The following FGFR3 variants were observed in gnomAD, a reference collection of about 807,000 sequenced individuals.
FGFR3 encodes the protein FGFR-3.
In FGFR3, 25 loss-of-function variants were observed where a neutral mutation model predicts 82.9. The ratio of observed to expected loss-of-function variants is 0.30; its 90% confidence interval spans 0.22 to 0.42. The LOEUF is 0.42. Among genes scored for constraint, FGFR3 ranks in the 10% least tolerant of loss-of-function variants. FGFR3 has a pLI of 1.00. For missense variants in FGFR3, 1,026 were observed against 1,161.0 expected (o/e 0.88, Z 1.69); for synonymous variants, 620 against 516.0 (o/e 1.20, Z -2.73).
chr4:1,795,958 A>G (rs1720461253), intron 2 of FGFR3, among the ~76,000 whole-genome samples: 1 of 151,852 alleles, frequency 6.6e-6, no homozygotes, highest in Admixed American at 6.6e-5. Flanking sequence ...ACCCCTTGTT[A>G]CCCACCCCCC....
intron 7 of FGFR3, chr4:1,803,207 C>A: frequency 9.9e-7 from 1 of 1,014,586 alleles, no homozygotes; most frequent in Non-Finnish European, 1.3e-6. Context: ...GCAAGGCTGG[C>A]AGCTCCAGCC....
chr4:1,794,889 G>C (rs1226919291), intron 2 of FGFR3, among the ~76,000 whole-genome samples: 4 of 151,382 alleles, frequency 2.6e-5, no homozygotes, highest in Non-Finnish European at 5.9e-5. Context: ...GGCCCGGTGA[G>C]CTCGCGCCCC....
At position 1,797,266 on chromosome 4, in the gene FGFR3, G is replaced by T. The variant is rs953829460; in HGVS notation, c.110-1988G>T. 2.0e-5 allele frequency among the ~76,000 whole-genome samples: 3 copies of T among 152,116 alleles called. No homozygotes were observed. In the East Asian group the frequency reaches 5.8e-4, roughly 29 times the overall value. On this transcript the variant is annotated intron_variant, in intron 2 of 17. Coordinates refer to ENST00000440486, the MANE Select transcript of FGFR3 (RefSeq NM_000142.5). ...CCACCCAACTGCTGACTTCCCAGTG[G>T]GAGTCAGACCCTGAACTTATAGCAC...
Position 1,801,383 on chromosome 4 carries a change from A to G in FGFR3, c.462A>G (p.Thr154=), listed in dbSNP as rs1158118748. 6.4e-7 allele frequency: 1 copy of G among 1,556,808 alleles called. No homozygotes were observed. Among genetic ancestry groups the G allele is most frequent in the Non-Finnish European group, 8.7e-7 (1 of 1,151,940 alleles). ...GGCCCGCAGGGGCCCCTTACTGGACACGGCCCGAGCGGATGGACAAGAAGC... is the reference window on the plus strand; with the variant it reads ...GGCCCGCAGGGGCCCCTTACTGGACGCGGCCCGAGCGGATGGACAAGAAGC... ...TGVDTGAPYW[T]RPERMDKKLL... is the part of the protein sequence containing the mutation. The change falls in exon 5 of 18, where the codon ACA becomes ACG. Residue 154 remains threonine (T), a synonymous_variant. Transcript: ENST00000440486.
chr4:1,803,239 G>C (rs936105190), intron 7 of FGFR3: 9 of 770,814 alleles, frequency 1.2e-5, no homozygotes, highest in Non-Finnish European at 9.3e-6. Flanking sequence ...CGCCCGCTTC[G>C]AGCCCTGTGG....
intron 2 of FGFR3, among the ~76,000 whole-genome samples, chr4:1,795,049 C>T (rs1389879864): frequency 6.6e-6 from 1 of 151,684 alleles, no homozygotes; most frequent in African/African-American, 2.4e-5. Flanking sequence ...AGGCAGATGG[C>T]GTCCGCCCCG....
intron 4 of FGFR3, 60 bp from the exon 5 acceptor site, chr4:1,801,307 G>C (rs1352317860): frequency 3.9e-6 from 6 of 1,522,812 alleles, no homozygotes; most frequent in Non-Finnish European, 5.3e-6. Flanking sequence ...GAAGGGGGTT[G>C]TTCAGAGGGG....
chr4:1,799,057 G>T (rs1045990960), intron 2 of FGFR3, among the ~76,000 whole-genome samples, 197 bp from the exon 3 acceptor site: 1 of 152,154 alleles, frequency 6.6e-6, no homozygotes, highest in African/African-American at 2.4e-5. Context: ...GGAGTCCTTG[G>T]GACAGACTGG....
At position 1,807,199 on chromosome 4, in the gene FGFR3, C is replaced by G. The variant is rs1247982827; in HGVS notation, c.2358C>G (p.Asp786Glu). 6.2e-7 allele frequency: 1 copy of G among 1,608,408 alleles called. No individual in the cohort carries two copies. The highest frequency in any genetic ancestry group is 8.5e-7 in the Non-Finnish European group (1 of 1,178,186). ...CCAGCTCCAGCTCCTCAGGGGACGA[C>G]TCCGTGTTTGCCCACGACCTGCTGC... is the stretch of plus-strand genomic sequence containing the variant. ...DTPSSSSSGD[D>E]SVFAHDLLPP... The change falls in exon 18 of 18, where the codon GAC (aspartate) becomes GAG (glutamate). Residue 786 changes from aspartate to glutamate, a missense_variant. Physicochemically the swap from Asp to Glu is conservative, Grantham distance 45. This residue lies in a region of FGFR3 where 155 missense variants were observed against 150.2 expected (regional missense o/e 1.03). Coordinates refer to ENST00000440486, the MANE Select transcript of FGFR3 (RefSeq NM_000142.5).
chr4:1,801,762 C>CGCGGGGGTGGGGGCGGCAGTG lies in FGFR3; in HGVS notation c.739+24_739+44dup. 6.5e-7 allele frequency: 1 copy of CGCGGGGGTGGGGGCGGCAGTG among 1,548,476 alleles called. No individual in the cohort carries two copies. The highest frequency in any genetic ancestry group is 8.8e-7 in the Non-Finnish European group (1 of 1,135,578). ...GTGCTGGGTGAGGGCCCTGGGGCGG[C>CGCGGGGGTGGGGGCGGCAGTG]GCGGGGGTGGGGGCGGCAGTGGCGG... On this transcript the variant is annotated intron_variant, in intron 6 of 17. Transcript: ENST00000440486.
intron 2 of FGFR3, among the ~76,000 whole-genome samples, chr4:1,794,964 TGGCGGCTC>T (rs1560388356): frequency 6.6e-6 from 1 of 151,450 alleles, no homozygotes. Flanking sequence ...CGCGCATTGA[TGGCGGCTC>T]GGCGGCTCGC....
intron 8 of FGFR3, 140 bp downstream of exon 8, chr4:1,803,976 C>G (rs1000450806): frequency 1.9e-6 from 2 of 1,067,892 alleles, no homozygotes; most frequent in Non-Finnish European, 2.8e-6. Context: ...GGCCCTGTGC[C>G]CAGTGTGGGG....
Position 1,804,816 on chromosome 4 carries a change from C to A in FGFR3, c.1267-8C>A. ...GCGGCGCCAACCTGCCCCTGCTGAC[C>A]CAAGCAGGTGTCCCTGGAGTCCAAC... is the stretch of plus-strand genomic sequence containing the variant. On this transcript the variant is annotated splice_region_variant and splice_polypyrimidine_tract_variant and intron_variant, in intron 9 of 17. Coordinates refer to ENST00000440486, the MANE Select transcript of FGFR3 (RefSeq NM_000142.5). The A allele has an allele frequency of 6.5e-7, 1 of 1,549,534 alleles. No individual in the cohort carries two copies. Among genetic ancestry groups the A allele is most frequent in the Middle Eastern group, 2.0e-4 (1 of 5,102 alleles).
At position 1,801,363 on chromosome 4, in the gene FGFR3, G is replaced by A. The variant is rs769590599; in HGVS notation, c.446-4G>A. 32 of 1,552,412 alleles carry A rather than the reference G, an allele frequency of 2.1e-5. No individual in the cohort carries two copies. Among genetic ancestry groups the A allele is most frequent in the Middle Eastern group, 1.7e-4 (1 of 6,020 alleles). On this transcript the variant is annotated splice_region_variant and splice_polypyrimidine_tract_variant and intron_variant, in intron 4 of 17. Transcript: ENST00000440486. ...ATGGCCTTCACACGCACCTCGGCCC[G>A]CAGGGGCCCCTTACTGGACACGGCC...
Position 1,798,212 on chromosome 4 carries a change from G to A in FGFR3, c.110-1042G>A, listed in dbSNP as rs1220363910. On this transcript the variant is annotated intron_variant, in intron 2 of 17. Coordinates refer to ENST00000440486, the MANE Select transcript of FGFR3 (RefSeq NM_000142.5). ...GGGCCACCTGCACATCTGCCCCTGT[G>A]GGTGGGCCCCCACCCCAGCTTCTCA... is the stretch of plus-strand genomic sequence containing the variant. Among the ~76,000 whole-genome samples the A allele has an allele frequency of 3.3e-5, 5 of 152,030 alleles. No homozygotes were observed. The South Asian group carries it at 6.2e-4, about 19-fold the overall frequency.
chr4:1,807,887 T>C lies in FGFR3; in HGVS notation c.*625T>C. The stretch of plus-strand genomic sequence containing the variant: ...TACATTTCTATAAATAGATGCTGTG[T>C]ATATGGTATATATACATATATATAT... On this transcript the variant is annotated 3_prime_UTR_variant, in exon 18 of 18. Coordinates refer to ENST00000440486, the MANE Select transcript of FGFR3 (RefSeq NM_000142.5). The C allele has an allele frequency of 2.4e-6, 1 of 418,690 alleles. No homozygotes were observed. The highest frequency in any genetic ancestry group is 4.5e-6 in the Non-Finnish European group (1 of 221,544). 25.9% of individuals were successfully genotyped at this position (418,690 alleles called of 1,614,324 possible). A position where few individuals can be genotyped will look rare whatever the true frequency, so the allele number is the denominator to read the frequency against.
At position 1,803,792 on chromosome 4, in the gene FGFR3, C is replaced by T. The variant is rs199702395; in HGVS notation, c.1031C>T (p.Ser344Phe). The T allele has an allele frequency of 1.1e-5, 18 of 1,614,084 alleles. No individual in the cohort carries two copies. The highest frequency in any genetic ancestry group is 2.2e-5 in the East Asian group (1 of 44,886). The part of the protein sequence containing the change: ...AGEYTCLAGN[S>F]IGFSHHSAWL... ...GAGTACACCTGCCTGGCGGGCAATTCTATTGGGTTTTCTCATCACTCTGCG... is the reference window on the plus strand; with the variant it reads ...GAGTACACCTGCCTGGCGGGCAATTTTATTGGGTTTTCTCATCACTCTGCG... The change falls in exon 8 of 18, where the codon TCT (serine) becomes TTT (phenylalanine). Residue 344 changes from serine (S) to phenylalanine (F), a missense_variant. Physicochemically the swap from Ser to Phe is radical, Grantham distance 155 (BLOSUM62 -2). Around this residue, in one of 9 missense-constraint regions of FGFR3, gnomAD observed 256 missense variants for 217.6 expected, o/e 1.18. Coordinates refer to ENST00000440486, the MANE Select transcript of FGFR3 (RefSeq NM_000142.5).
chr4:1,805,593 G>T lies in FGFR3; in HGVS notation c.1569G>T (p.Val523=). 6.2e-7 allele frequency: 1 copy of T among 1,613,326 alleles called. No individual in the cohort carries two copies. Among genetic ancestry groups the T allele is most frequent in the East Asian group, 2.2e-5 (1 of 44,878 alleles). Residue 523 remains valine, a synonymous_variant, in exon 12 of 18, where the codon GTG becomes GTT. Transcript: ENST00000440486. The part of the protein sequence containing the change: ...DATDKDLSDL[V]SEMEMMKMIG... Reference sequence around the variant, plus strand: ...CTGACAAGGACCTGTCGGACCTGGTGTCTGAGATGGAGATGATGAAGATGA... The same window carrying T: ...CTGACAAGGACCTGTCGGACCTGGTTTCTGAGATGGAGATGATGAAGATGA...
chr4:1,796,816 C>A (rs1321477009), intron 2 of FGFR3, among the ~76,000 whole-genome samples: 1 of 152,164 alleles, frequency 6.6e-6, no homozygotes, highest in Non-Finnish European at 1.5e-5. Flanking sequence ...ACTCCTGCAG[C>A]CATTTCAGGG....
Sources: gnomAD v4.1 joint callset for allele counts (sites outside exome capture counted in the v4.1 genomes callset) on GRCh38, gnomAD v4.1.1 for gene constraint, gnomAD v4.1.1 regional missense constraint, MANE v1.5 for transcripts, NCBI Gene and HGNC (gene_info 2026-07-23, HGNC 2026-07-21) for gene names.